Variants in NBEAL1 observed in about 807,000 individuals in gnomAD.
NBEAL1 encodes neurobeachin like 1.
A neutral mutation model predicts 351.3 loss-of-function variants in NBEAL1; 273 were observed. The observed-to-expected ratio is 0.78, with a 90% CI of 0.70 to 0.86. NBEAL1 has a LOEUF of 0.86. Among genes scored for constraint, NBEAL1 ranks in the 40% least tolerant of loss-of-function variants. The pLI is 0.00. For missense variants in NBEAL1, 2,961 were observed against 3,201.3 expected, an observed-to-expected ratio of 0.92 and a Z score of 1.81; for synonymous variants, 1,050 against 1,086.4, an observed-to-expected ratio of 0.97 and a Z score of 0.66.
At chr2:203,179,494 A>T (rs1035487928) in intron 42 of NBEAL1, among the ~76,000 whole-genome samples, 4 of 152,100 alleles carry the variant, frequency 2.6e-5, no homozygotes, top group African/African-American at 9.7e-5. Flanking sequence ...AAATAAGTAA[A>T]TACATAAAAT....
At chr2:203,186,935 A>C (rs2064914185) in intron 44 of NBEAL1, among the ~76,000 whole-genome samples, 1 of 152,194 alleles carries the variant, frequency 6.6e-6, no homozygotes, top group Non-Finnish European at 1.5e-5. Context: ...GTGGGACACA[A>C]CCTTAAATCT....
chr2:203,090,123 C>A (rs564456696), intron 10 of NBEAL1, among the ~76,000 whole-genome samples: 28 of 152,050 alleles, frequency 1.8e-4, no homozygotes, highest in African/African-American at 6.8e-4. Flanking sequence ...TAATTATTAC[C>A]CACATAACTG....
chr2:203,110,324 A>G (rs554013870), intron 15 of NBEAL1, 42 bp downstream of exon 15: 21 of 1,516,590 alleles, frequency 1.4e-5, no homozygotes, highest in Non-Finnish European at 1.7e-5. Context: ...AGTATGGTTA[A>G]TGGTATTTCC....
intron 7 of NBEAL1, among the ~76,000 whole-genome samples, chr2:203,074,153 G>T (rs1218110867): frequency 6.6e-6 from 1 of 152,044 alleles, no homozygotes; most frequent in Admixed American, 6.6e-5. Context: ...TAATTAGTTT[G>T]ATTTAGCCAC....
At position 203,079,415 on chromosome 2, in the gene NBEAL1, G is replaced by T. The variant is rs1422212372; in HGVS notation, c.684+1578G>T. 1.6e-4 allele frequency among the ~76,000 whole-genome samples: 25 copies of T among 152,102 alleles called. 1 individual carries two copies. Among genetic ancestry groups the T allele is most frequent in the Admixed American group, 1.6e-3 (25 of 15,264 alleles). On this transcript the variant is annotated intron_variant, in intron 8 of 55. Coordinates refer to ENST00000683969, the MANE Select transcript of NBEAL1 (RefSeq NM_001378026.1). Reference sequence around the variant, plus strand: ...CACAAGTATTATTTATACTACTGTTGTTTTGTTGCTTACATTTAAACTTGA... The same window carrying T: ...CACAAGTATTATTTATACTACTGTTTTTTTGTTGCTTACATTTAAACTTGA...
At chr2:203,054,783 G>A (rs868653083) in intron 4 of NBEAL1, among the ~76,000 whole-genome samples, 1 of 152,240 alleles carries the variant, frequency 6.6e-6, no homozygotes, top group South Asian at 2.1e-4. Context: ...TGGAAAAGTA[G>A]GATCCCTCTA....
In NBEAL1 at chr2:203,224,584, A is replaced by T. The variant is rs1324159310; in HGVS notation, c.*7230A>T. Among the ~76,000 whole-genome samples the T allele has an allele frequency of 6.6e-6, 1 of 152,198 alleles. No individual in the cohort carries two copies. Among genetic ancestry groups the T allele is most frequent in the Non-Finnish European group, 1.5e-5 (1 of 67,982 alleles). ...GCATGTATATGCACATAGTCAATTC[A>T]GAGCGTAATAACTAAAAATTCAGAA... On this transcript the variant is annotated 3_prime_UTR_variant, in exon 56 of 56. Transcript: ENST00000683969.
At chr2:203,126,344 T>C (rs1298447286) in intron 21 of NBEAL1, among the ~76,000 whole-genome samples, 1 of 152,192 alleles carries the variant, frequency 6.6e-6, no homozygotes, top group Non-Finnish European at 1.5e-5. Context: ...ATATTTGGGA[T>C]GTTGAGAAAT....
Position 203,099,713 on chromosome 2 carries a change from G to C in NBEAL1, c.1269+1G>C. On this transcript the variant is annotated splice_donor_variant, in intron 12 of 55. Coordinates refer to ENST00000683969, the MANE Select transcript of NBEAL1 (RefSeq NM_001378026.1). LOFTEE classifies it high-confidence loss of function. ...AATGAACAAATCTCCAGCTGCTAAG[G>C]TGAAACATATATCCTCCAGCTTTTT... 2 of 1,535,302 alleles carry C rather than the reference G, an allele frequency of 1.3e-6. No individual in the cohort carries two copies. The highest frequency in any genetic ancestry group is 1.4e-5 in the African/African-American group (1 of 72,246).
chr2:203,206,440 T>G (rs916612388), intron 51 of NBEAL1, among the ~76,000 whole-genome samples: 1 of 152,146 alleles, frequency 6.6e-6, no homozygotes, highest in Admixed American at 6.5e-5. Context: ...CTCTCCCCTC[T>G]TTCCACCGTC....
chr2:203,042,493 A>C (rs1447306510), intron 3 of NBEAL1, among the ~76,000 whole-genome samples: 1 of 151,986 alleles, frequency 6.6e-6, no homozygotes, highest in African/African-American at 2.4e-5. Context: ...CTTACTACAT[A>C]ATTGATTATG....
chr2:203,166,104 A>G, intron 36 of NBEAL1, 45 bp from the exon 37 acceptor site: 1 of 1,486,022 alleles, frequency 6.7e-7, no homozygotes. Flanking sequence ...TTTAAGAAAA[A>G]TAAATGGTTG....
intron 13 of NBEAL1, 21 bp from the exon 14 acceptor site, chr2:203,107,587 A>G: frequency 6.5e-7 from 1 of 1,547,950 alleles, no homozygotes. Context: ...CTAACCTTTT[A>G]TCTTTTATGT....
intron 36 of NBEAL1, among the ~76,000 whole-genome samples, chr2:203,163,831 T>C (rs2064044955): frequency 6.6e-6 from 1 of 152,188 alleles, no homozygotes; most frequent in South Asian, 2.1e-4. Context: ...AAAGCTGTTA[T>C]GATCATTCTC....
At chr2:203,097,470 C>G (rs895666424) in intron 10 of NBEAL1, 77 bp from the exon 11 acceptor site, 2 of 405,534 alleles carry the variant, frequency 4.9e-6, no homozygotes, top group Non-Finnish European at 6.7e-6. Flanking sequence ...ACATGGAAAC[C>G]CATTTAAGCT....
At chr2:203,146,284 A>T (rs193286598) in intron 33 of NBEAL1, among the ~76,000 whole-genome samples, 1 of 152,296 alleles carries the variant, frequency 6.6e-6, no homozygotes, top group Non-Finnish European at 1.5e-5. Flanking sequence ...TCAGGCCCAG[A>T]TGGTTTCACT....
In NBEAL1 at chr2:203,110,133, A is replaced by T; in HGVS notation, c.1950-17A>T. 6.5e-7 allele frequency: 1 copy of T among 1,542,944 alleles called. No individual in the cohort carries two copies. The highest frequency in any genetic ancestry group is 1.2e-5 in the South Asian group (1 of 82,170). On this transcript the variant is annotated splice_polypyrimidine_tract_variant and intron_variant, in intron 14 of 55. Coordinates refer to ENST00000683969, the MANE Select transcript of NBEAL1 (RefSeq NM_001378026.1). ...ACAACCAACTTTAAAAGTTCTGATA[A>T]TACGTATTTTTTTTAGTTTTTTTAC...
At chr2:203,121,954 T>G (rs187455623) in intron 18 of NBEAL1, among the ~76,000 whole-genome samples, 163 of 151,720 alleles carry the variant, frequency 1.1e-3, no homozygotes, top group African/African-American at 3.7e-3. Context: ...CCCGGCTAGT[T>G]TTTATATTTT....
At chr2:203,216,542 A>G (rs930005202) in intron 55 of NBEAL1, among the ~76,000 whole-genome samples, 1 of 152,044 alleles carries the variant, frequency 6.6e-6, no homozygotes, top group Admixed American at 6.5e-5. Context: ...CCAGGACTTC[A>G]CCAGCCTGGG....
Sources: allele counts gnomAD v4.1 joint callset (sites outside exome capture counted in the v4.1 genomes callset), GRCh38; gene constraint gnomAD v4.1.1; transcripts MANE v1.5; gene names NCBI Gene and HGNC (gene_info 2026-07-23, HGNC 2026-07-21).